The following LGSN variants were observed in gnomAD, a reference collection of about 807,000 sequenced individuals.
LGSN encodes lengsin, lens protein with glutamine synthetase domain.
LGSN carries 21 observed loss-of-function variants against 19.5 expected under a neutral mutation model. The observed-to-expected ratio is 1.07, with a 90% confidence interval of 0.76 to 1.55. The LOEUF is 1.55. Ranked by LOEUF, LGSN falls within the 40% of genes most tolerant of loss-of-function variation. The pLI, the probability that LGSN is intolerant of heterozygous loss-of-function variation, is 0.00. For synonymous variants in LGSN, 257 were observed against 215.6 expected, an observed-to-expected ratio of 1.19 and a Z score of -1.68; for missense variants, 673 against 608.5, an observed-to-expected ratio of 1.11 and a Z score of -1.12.
chr6:63,499,485 T>C, the LGSN span, among the ~76,000 whole-genome samples: 2 of 152,214 alleles, frequency 1.3e-5, no homozygotes, highest in South Asian at 4.1e-4. Flanking sequence ...GGTGGGGCTT[T>C]AAGAGTTTTT....
the LGSN span, among the ~76,000 whole-genome samples, chr6:63,407,445 T>C: frequency 1.3e-5 from 2 of 152,286 alleles, no homozygotes; most frequent in South Asian, 4.1e-4. Flanking sequence ...ATTTTCTCAA[T>C]AGATGCAGAA....
chr6:63,371,113 TC>T, the LGSN span, among the ~76,000 whole-genome samples: 1 of 152,234 alleles, frequency 6.6e-6, no homozygotes, highest in South Asian at 2.1e-4. Context: ...ATTATCTCTT[TC>T]CCTTTCAGCA....
chr6:63,377,869 G>A, the LGSN span, among the ~76,000 whole-genome samples: 6 of 144,100 alleles, frequency 4.2e-5, no homozygotes, highest in East Asian at 2.0e-4. Flanking sequence ...AGCCGAGATC[G>A]TGCCATTGCA....
chr6:63,424,527 AC>A, the LGSN span, among the ~76,000 whole-genome samples: 8 of 149,862 alleles, frequency 5.3e-5, no homozygotes, highest in Non-Finnish European at 1.2e-4. Flanking sequence ...ACACACACAC[AC>A]ACACACACAC....
At chr6:63,487,265 C>T in the LGSN span, among the ~76,000 whole-genome samples, 2 of 152,134 alleles carry the variant, frequency 1.3e-5, no homozygotes, top group African/African-American at 4.8e-5. Context: ...CTACCACACC[C>T]GGCCTGTCTT....
chr6:63,320,981 C>G (rs187047904), upstream of LGSN, among the ~76,000 whole-genome samples: 1 of 152,270 alleles, frequency 6.6e-6, no homozygotes, highest in South Asian at 2.1e-4. Flanking sequence ...AGCTTCTGCT[C>G]TGTGTAGCCT....
At chr6:63,304,445 T>C (rs977729930) in intron 1 of LGSN, among the ~76,000 whole-genome samples, 34 of 152,310 alleles carry the variant, frequency 2.2e-4, no homozygotes, top group African/African-American at 7.9e-4. Flanking sequence ...ATAAAATTGC[T>C]CTAGATTACC....
chr6:63,476,577 T>C, the LGSN span, among the ~76,000 whole-genome samples: 1 of 152,220 alleles, frequency 6.6e-6, no homozygotes, highest in Non-Finnish European at 1.5e-5. Context: ...GGAGCTCAAC[T>C]GGAGCTATTA....
chr6:63,424,153 A>G, the LGSN span, among the ~76,000 whole-genome samples: 1 of 152,214 alleles, frequency 6.6e-6, no homozygotes, highest in Admixed American at 6.5e-5. Flanking sequence ...ATATCACTAC[A>G]GACATCAAAA....
chr6:63,329,962 G>A, the LGSN span, among the ~76,000 whole-genome samples: 284 of 152,306 alleles, frequency 1.9e-3, no homozygotes, highest in Non-Finnish European at 3.4e-3. Flanking sequence ...AGAAGGCCGC[G>A]CTAGTGTCCA....
the LGSN span, chr6:63,549,239 T>C: frequency 2.7e-6 from 2 of 739,230 alleles, no homozygotes; most frequent in Non-Finnish European, 4.9e-6. Flanking sequence ...GAGCAGCTGT[T>C]TGGTGGTCCA....
chr6:63,464,896 G>A, the LGSN span, among the ~76,000 whole-genome samples: 19 of 151,480 alleles, frequency 1.3e-4, no homozygotes, highest in Non-Finnish European at 2.8e-4. Flanking sequence ...CATGGTGGTG[G>A]GTGCCTCTAA....
chr6:63,504,273 G>A, the LGSN span, among the ~76,000 whole-genome samples: 7 of 146,852 alleles, frequency 4.8e-5, no homozygotes, highest in African/African-American at 1.3e-4. Flanking sequence ...ACAGAGTCTC[G>A]CTCTGTTGCC....
At chr6:63,288,269 A>ATAAC (rs1554170766) in intron 2 of LGSN, among the ~76,000 whole-genome samples, 3 of 88,256 alleles carry the variant, frequency 3.4e-5, no homozygotes, top group African/African-American at 9.2e-5. Flanking sequence ...AAATAAATAA[A>ATAAC]TAATAATAAT....
chr6:63,345,169 A>T, the LGSN span, among the ~76,000 whole-genome samples: 447 of 152,292 alleles, frequency 2.9e-3, 3 homozygotes, highest in African/African-American at 0.01. Flanking sequence ...AATGCTAAAA[A>T]CATTAGCAAT....
chr6:63,467,920 G>T, the LGSN span, among the ~76,000 whole-genome samples: 28 of 152,032 alleles, frequency 1.8e-4, no homozygotes, highest in African/African-American at 6.0e-4. Flanking sequence ...TCAAACTCCT[G>T]ACCTCAAATG....
At chr6:63,403,683 G>T in the LGSN span, among the ~76,000 whole-genome samples, 2 of 151,890 alleles carry the variant, frequency 1.3e-5, no homozygotes, top group African/African-American at 4.8e-5. Flanking sequence ...GAATGACAGA[G>T]GTGAGATCAC....
At chr6:63,401,510 A>G in the LGSN span, among the ~76,000 whole-genome samples, 1 of 152,248 alleles carries the variant, frequency 6.6e-6, no homozygotes, top group Non-Finnish European at 1.5e-5. Context: ...CCATTAATCA[A>G]ACTAAGAGTG....
chr6:63,558,188 T>A, the LGSN span, among the ~76,000 whole-genome samples: 2 of 152,022 alleles, frequency 1.3e-5, no homozygotes, highest in African/African-American at 4.8e-5. Context: ...ATTTTTAAAA[T>A]GCAGGGTGGA....
Sources: gnomAD v4.1 joint callset for allele counts (sites outside exome capture counted in the v4.1 genomes callset) on GRCh38, gnomAD v4.1.1 for gene constraint, MANE v1.5 for transcripts, NCBI Gene and HGNC (gene_info 2026-07-23, HGNC 2026-07-21) for gene names.